Variants in RBMS3 observed in about 807,000 individuals in gnomAD.
RBMS3 encodes RNA-binding motif, single-stranded-interacting protein 3.
Under a neutral mutation model 66.8 loss-of-function variants are expected in RBMS3, and 27 were observed. The ratio of observed to expected loss-of-function variants is 0.40; its 90% CI spans 0.30 to 0.56. The LOEUF is 0.56. RBMS3 is among the 20% of genes least tolerant of loss of function. The pLI is 0.40. For synonymous variants in RBMS3, 188 were observed against 183.0 expected (o/e 1.03, Z -0.22); for missense variants, 513 against 549.5 (o/e 0.93, Z 0.66).
chr3:29,673,724 T>C (rs1053058440), intron 4 of RBMS3, among the ~76,000 whole-genome samples: 3 of 152,094 alleles, frequency 2.0e-5, no homozygotes, highest in South Asian at 2.1e-4. Flanking sequence ...AATCCCTGAA[T>C]AGACCAATGA....
intron 5 of RBMS3, among the ~76,000 whole-genome samples, chr3:29,752,278 C>T (rs1466281974): frequency 6.6e-6 from 1 of 152,080 alleles, no homozygotes. Context: ...TTCTAATATC[C>T]AGCTGGTTCC....
At chr3:29,944,108 A>G in intron 11 of RBMS3, 99 bp from the exon 12 acceptor site, 4 of 1,088,060 alleles carry the variant, frequency 3.7e-6, no homozygotes, top group Non-Finnish European at 5.5e-6. Flanking sequence ...TCAGGCAACC[A>G]TATGACACAC....
chr3:29,834,936 G>A (rs2058466872), intron 6 of RBMS3, among the ~76,000 whole-genome samples: 1 of 151,834 alleles, frequency 6.6e-6, no homozygotes, highest in African/African-American at 2.4e-5. Context: ...GTACAGGGGT[G>A]GAAAAAGATA....
chr3:29,317,386 G>A (rs977557882), intron 1 of RBMS3, among the ~76,000 whole-genome samples: 5 of 151,528 alleles, frequency 3.3e-5, no homozygotes, highest in Admixed American at 6.6e-5. Flanking sequence ...ATTTCTCTCT[G>A]GTTTTCGGTG....
intron 3 of RBMS3, among the ~76,000 whole-genome samples, chr3:29,490,002 C>G (rs1225096938): frequency 7.6e-6 from 1 of 130,958 alleles, no homozygotes; most frequent in East Asian, 2.4e-4. Context: ...GAGATTGCGT[C>G]ATTGCACTCC....
chr3:29,993,883 A>G (rs1699041946), intron 14 of RBMS3, among the ~76,000 whole-genome samples: 2 of 152,310 alleles, frequency 1.3e-5, no homozygotes, highest in African/African-American at 4.8e-5. Flanking sequence ...ATAATTGTGC[A>G]AGTCAATTTC....
intron 4 of RBMS3, among the ~76,000 whole-genome samples, chr3:29,638,300 C>T (rs1239115841): frequency 2.5e-4 from 38 of 151,398 alleles, no homozygotes; most frequent in Non-Finnish European, 5.6e-4. Flanking sequence ...GGAATATCAT[C>T]CTCTGGAATA....
intron 5 of RBMS3, among the ~76,000 whole-genome samples, chr3:29,759,448 A>G (rs984849616): frequency 6.6e-6 from 1 of 152,150 alleles, no homozygotes; most frequent in South Asian, 2.1e-4. Context: ...GTTCTGAGGG[A>G]CGCAAGGGGT....
chr3:29,896,872 C>T (rs993545772), intron 8 of RBMS3, among the ~76,000 whole-genome samples: 15 of 151,668 alleles, frequency 9.9e-5, no homozygotes, highest in Non-Finnish European at 2.2e-4. Context: ...ATTCCAACCT[C>T]GATACAAATT....
chr3:29,994,843 G>C (rs1699112357), intron 14 of RBMS3, among the ~76,000 whole-genome samples: 1 of 152,278 alleles, frequency 6.6e-6, no homozygotes, highest in East Asian at 1.9e-4. Context: ...CAGGAAAACT[G>C]GAAACTCTAA....
chr3:29,920,805 C>G (rs1327540998), intron 10 of RBMS3, among the ~76,000 whole-genome samples: 1 of 145,008 alleles, frequency 6.9e-6, no homozygotes, highest in East Asian at 2.0e-4. Flanking sequence ...GAAACCCCGT[C>G]TCTACTAAAA....
chr3:30,006,920 T>A lies in RBMS3; in HGVS notation c.*3058T>A, dbSNP rs1300814568. 6.6e-6 allele frequency: 1 copy of A among 152,012 alleles called. No homozygotes were observed. Among genetic ancestry groups the A allele is most frequent in the Non-Finnish European group, 1.5e-5 (1 of 67,912 alleles). 9.4% of individuals were successfully genotyped at this position (152,012 alleles called of 1,614,324 possible). ...TTCAACTATGAAATTTCAATATCAA[T>A]TTTTTAAGCCAGTTTCTGCAAAAGG... On this transcript the variant is annotated 3_prime_UTR_variant, in exon 15 of 15. Transcript: ENST00000383767.
chr3:29,579,302 A>C (rs918214363), intron 3 of RBMS3, among the ~76,000 whole-genome samples: 9 of 152,176 alleles, frequency 5.9e-5, no homozygotes, highest in Admixed American at 4.6e-4. Flanking sequence ...CATGCTTCCC[A>C]GGCCATTTGC....
At chr3:29,620,837 G>A (rs561810632) in intron 4 of RBMS3, among the ~76,000 whole-genome samples, 3 of 151,852 alleles carry the variant, frequency 2.0e-5, no homozygotes, top group Admixed American at 6.6e-5. Flanking sequence ...TTTTAAAAAC[G>A]TTATCTTTTT....
chr3:29,893,299 C>T (rs1263643443), intron 8 of RBMS3, among the ~76,000 whole-genome samples: 1 of 151,438 alleles, frequency 6.6e-6, no homozygotes, highest in Non-Finnish European at 1.5e-5. Flanking sequence ...CCCAAGGGTT[C>T]CTTTTGCTAG....
At chr3:29,894,982 C>A (rs949177809) in intron 8 of RBMS3, among the ~76,000 whole-genome samples, 1 of 151,518 alleles carries the variant, frequency 6.6e-6, no homozygotes, top group Admixed American at 6.6e-5. Context: ...CAATCCTAGT[C>A]AGCTATGGAG....
intron 1 of RBMS3, among the ~76,000 whole-genome samples, chr3:29,329,728 G>A (rs1048828144): frequency 2.6e-5 from 4 of 151,332 alleles, no homozygotes; most frequent in Non-Finnish European, 5.9e-5. Context: ...TAGCATCTGA[G>A]TGGTAAACTG....
At chr3:29,712,801 A>G (rs952389440) in intron 4 of RBMS3, among the ~76,000 whole-genome samples, 8 of 152,240 alleles carry the variant, frequency 5.3e-5, no homozygotes, top group African/African-American at 1.7e-4. Flanking sequence ...TTCAAACTTC[A>G]GACTCTGAGA....
rs1294126975 is a variant in RBMS3 at position 29,691,949 on chromosome 3, A to ATT, written c.400-47754_400-47753dup. 1.8e-3 allele frequency among the ~76,000 whole-genome samples: 118 copies of ATT among 64,986 alleles called. 10 individuals carry two copies. Among genetic ancestry groups the ATT allele is most frequent in the South Asian group, 0.012 (19 of 1,592 alleles). The allele number at this position is 64,986 out of a possible 152,430, so 42.6% of individuals were successfully genotyped here. On this transcript the variant is annotated intron_variant, in intron 4 of 14. Transcript: ENST00000383767. Reference sequence around the variant, plus strand: ...GTGACCCTTCTCTCTCTCTCTCTCTATTTTTTTTTTTTTTTTTTGAGATGG... The same window carrying ATT: ...GTGACCCTTCTCTCTCTCTCTCTCTATTTTTTTTTTTTTTTTTTTTGAGATGG...
Sources: gnomAD v4.1 joint callset for allele counts (sites outside exome capture counted in the v4.1 genomes callset) on GRCh38, gnomAD v4.1.1 for gene constraint, MANE v1.5 for transcripts, NCBI Gene and HGNC (gene_info 2026-07-23, HGNC 2026-07-21) for gene names.